The following ITGBL1 variants were observed in gnomAD, a reference collection of about 807,000 sequenced individuals.
ITGBL1 encodes integrin subunit beta like 1.
A neutral mutation model predicts 68.5 loss-of-function variants in ITGBL1; 51 were observed. The observed-to-expected ratio is 0.74, with a 90% CI of 0.59 to 0.94. ITGBL1 has a LOEUF of 0.94. Ranked by LOEUF, ITGBL1 falls within the 40% of genes least tolerant of loss-of-function variation. The pLI, the probability that ITGBL1 is intolerant of heterozygous loss-of-function variation, is 0.00. For synonymous variants in ITGBL1, 209 were observed against 227.3 expected (o/e 0.92, Z 0.72); for missense variants, 649 against 647.4 (o/e 1.00, Z -0.03).
intron 7 of ITGBL1, among the ~76,000 whole-genome samples, chr13:101,643,840 G>A (rs1433887500): frequency 1.3e-5 from 2 of 152,112 alleles, no homozygotes; most frequent in South Asian, 2.1e-4. Context: ...TTATTTATAA[G>A]TTTTGTGTTC....
intron 2 of ITGBL1, among the ~76,000 whole-genome samples, chr13:101,525,975 A>C (rs2139146144): frequency 6.6e-6 from 1 of 152,018 alleles, no homozygotes; most frequent in Non-Finnish European, 1.5e-5. Flanking sequence ...TATATTTCTG[A>C]TATATGTTGT....
chr13:101,488,920 C>A (rs1566698145), intron 2 of ITGBL1, among the ~76,000 whole-genome samples: 1 of 152,104 alleles, frequency 6.6e-6, no homozygotes. Flanking sequence ...GCCATTTTGC[C>A]TGCAGCCGCT....
At chr13:101,575,811 C>G (rs985539969) in intron 4 of ITGBL1, among the ~76,000 whole-genome samples, 1 of 152,082 alleles carries the variant, frequency 6.6e-6, no homozygotes, top group Admixed American at 6.6e-5. Flanking sequence ...TGAAGTAGTC[C>G]TAGTAGAATA....
intron 2 of ITGBL1, among the ~76,000 whole-genome samples, chr13:101,464,508 C>A (rs1410126931): frequency 6.6e-6 from 1 of 150,524 alleles, no homozygotes; most frequent in Non-Finnish European, 1.5e-5. Context: ...CATAGAAGAC[C>A]CAGAGAGGGT....
At chr13:101,598,117 T>C (rs752949398) in intron 6 of ITGBL1, 36 bp from the exon 7 acceptor site, 29 of 1,564,296 alleles carry the variant, frequency 1.9e-5, no homozygotes, top group Non-Finnish European at 2.4e-5. Flanking sequence ...ATTATCTTTA[T>C]GTACATTTTT....
intron 6 of ITGBL1, among the ~76,000 whole-genome samples, chr13:101,592,519 T>C (rs929442716): frequency 2.6e-5 from 4 of 151,950 alleles, no homozygotes; most frequent in Non-Finnish European, 4.4e-5. Flanking sequence ...CACAAATAAA[T>C]GGAAAGATAT....
At chr13:101,654,795 G>A (rs533183065) in intron 7 of ITGBL1, among the ~76,000 whole-genome samples, 1 of 152,256 alleles carries the variant, frequency 6.6e-6, no homozygotes, top group African/African-American at 2.4e-5. Flanking sequence ...ACCACCCAGG[G>A]AGAAAGTCTA....
chr13:101,671,426 G>GTTTTTTTTTTTTTTTTTTTTTTTTT (rs66501713), intron 7 of ITGBL1, among the ~76,000 whole-genome samples: 5 of 112,658 alleles, frequency 4.4e-5, no homozygotes, highest in Non-Finnish European at 5.4e-5. Flanking sequence ...GTATACCTTT[G>GTTTTTTTTTTTTTTTTTTTTTTTTT]TTTTTTTTTT....
At chr13:101,641,812 G>T (rs1292609238) in intron 7 of ITGBL1, among the ~76,000 whole-genome samples, 1 of 148,538 alleles carries the variant, frequency 6.7e-6, no homozygotes, top group Non-Finnish European at 1.5e-5. Context: ...AATATGCGGT[G>T]GTTGGTTTTT....
chr13:101,697,833 G>T (rs1446263382), intron 8 of ITGBL1, among the ~76,000 whole-genome samples: 1 of 152,184 alleles, frequency 6.6e-6, no homozygotes, highest in Non-Finnish European at 1.5e-5. Context: ...ATAAAAGATT[G>T]TAGTGGCCAT....
intron 8 of ITGBL1, among the ~76,000 whole-genome samples, chr13:101,696,113 A>T (rs1376490525): frequency 6.6e-6 from 1 of 152,074 alleles, no homozygotes; most frequent in African/African-American, 2.4e-5. Flanking sequence ...TCCCAAGAGA[A>T]AATAGTCCCC....
In ITGBL1 at chr13:101,496,416, C is replaced by A. The variant is rs889473664; in HGVS notation, c.316+42316C>A. ...AGATGATCTCAAAAGTCTCTCCAAG[C>A]TTGAAAATTCTGGTTCTATGATTTT... On this transcript the variant is annotated intron_variant, in intron 2 of 10. Transcript: ENST00000376180. 3.9e-5 allele frequency among the ~76,000 whole-genome samples: 6 copies of A among 152,278 alleles called. No individual in the cohort carries two copies. The South Asian group carries it at 1.0e-3, about 26-fold the overall frequency.
chr13:101,613,891 C>T (rs915681363), intron 7 of ITGBL1, among the ~76,000 whole-genome samples: 20 of 152,166 alleles, frequency 1.3e-4, no homozygotes, highest in African/African-American at 4.8e-4. Flanking sequence ...AGGCACGGTC[C>T]TGCAGCAGGA....
intron 2 of ITGBL1, among the ~76,000 whole-genome samples, chr13:101,512,445 A>T (rs2049131273): frequency 6.6e-6 from 1 of 152,172 alleles, no homozygotes; most frequent in African/African-American, 2.4e-5. Context: ...TTTGCTTTGT[A>T]AGATTTATGT....
At chr13:101,574,143 A>G (rs79217489) in intron 3 of ITGBL1, among the ~76,000 whole-genome samples, 21 of 152,222 alleles carry the variant, frequency 1.4e-4, no homozygotes, top group African/African-American at 3.9e-4. Context: ...CCTTGCTTCT[A>G]TGTCTTCCAA....
intron 6 of ITGBL1, among the ~76,000 whole-genome samples, chr13:101,597,337 A>C (rs1196262854): frequency 1.3e-5 from 2 of 150,688 alleles, no homozygotes; most frequent in African/African-American, 4.9e-5. Context: ...CAACTTTTCT[A>C]TATCCATACT....
At position 101,636,807 on chromosome 13, in the gene ITGBL1, G is replaced by A. The variant is rs567274889; in HGVS notation, c.1015+38508G>A. Among the ~76,000 whole-genome samples, 25 of 152,172 alleles carry A rather than the reference G, an allele frequency of 1.6e-4. No individual in the cohort carries two copies. The South Asian group carries it at 5.2e-3, about 32-fold the overall frequency. On this transcript the variant is annotated intron_variant, in intron 7 of 10. Coordinates refer to ENST00000376180, the MANE Select transcript of ITGBL1 (RefSeq NM_004791.3). ...CTCTAAAGTTTCTAATATTGATCCT[G>A]CTGTATCTTATTCTGAATATATTAT...
At chr13:101,457,197 G>A (rs1380947315) in intron 2 of ITGBL1, among the ~76,000 whole-genome samples, 1 of 152,142 alleles carries the variant, frequency 6.6e-6, no homozygotes, top group Non-Finnish European at 1.5e-5. Context: ...GGCTAGTATG[G>A]ATGGAAGGAT....
At chr13:101,588,189 C>T (rs1296004105) in intron 6 of ITGBL1, among the ~76,000 whole-genome samples, 1 of 152,136 alleles carries the variant, frequency 6.6e-6, no homozygotes, top group Non-Finnish European at 1.5e-5. Context: ...CTTTGGACCA[C>T]TCAATGGCTG....
Sources: allele counts gnomAD v4.1 joint callset (sites outside exome capture counted in the v4.1 genomes callset), GRCh38; gene constraint gnomAD v4.1.1; transcripts MANE v1.5; gene names NCBI Gene and HGNC (gene_info 2026-07-23, HGNC 2026-07-21).